The following FAM184A variants were observed in gnomAD, a reference collection of about 807,000 sequenced individuals.
The protein encoded by FAM184A is family with sequence similarity 184 member A, also known as protein FAM184A.
Under a neutral mutation model 143.8 loss-of-function variants are expected in FAM184A, and 99 were observed. The observed-to-expected ratio is 0.69, with a 90% confidence interval of 0.58 to 0.81. The LOEUF (loss-of-function observed/expected upper bound fraction) is 0.81, where lower values mean the gene tolerates loss of function less well. FAM184A is among the 40% of genes least tolerant of loss of function. The pLI is 0.00. For missense variants in FAM184A, 1,217 were observed against 1,310.5 expected (o/e 0.93, Z 1.10); for synonymous variants, 427 against 446.4 (o/e 0.96, Z 0.55).
intron 1 of FAM184A, among the ~76,000 whole-genome samples, chr6:119,074,972 T>C (rs888199923): frequency 4.6e-5 from 7 of 152,270 alleles, no homozygotes; most frequent in Non-Finnish European, 8.8e-5. Flanking sequence ...AGAAGGCAGC[T>C]ATGTTAGGCT....
intron 1 of FAM184A, among the ~76,000 whole-genome samples, chr6:119,035,417 C>A (rs945308371): frequency 6.6e-6 from 1 of 152,144 alleles, no homozygotes; most frequent in African/African-American, 2.4e-5. Flanking sequence ...ACACCAAATT[C>A]CAGCCAGGTT....
chr6:119,005,309 T>C (rs950307402), intron 7 of FAM184A: 4 of 151,954 alleles, frequency 2.6e-5, no homozygotes, highest in African/African-American at 9.7e-5. Flanking sequence ...AATGAAGTAA[T>C]TTATTGTCAC....
At position 119,086,548 on chromosome 6, in the gene FAM184A, A is replaced by T. The variant is rs140304371; in HGVS notation, c.-201-61735T>A. On this transcript the variant is annotated intron_variant, in intron 1 of 16. Transcript: ENST00000352896. Reference sequence around the variant, plus strand: ...AAGGACGGTAAGGGCAAAGCCATGGAGATTAGATGAGAGCATGACCTATTT... The same window carrying T: ...AAGGACGGTAAGGGCAAAGCCATGGTGATTAGATGAGAGCATGACCTATTT... Among the ~76,000 whole-genome samples the T allele has an allele frequency of 3.0e-3, 453 of 152,254 alleles. 3 individuals are homozygous for T. The highest frequency in any genetic ancestry group is 0.01 in the African/African-American group (435 of 41,558).
At chr6:118,988,793 C>T (rs1784270574) in intron 9 of FAM184A, among the ~76,000 whole-genome samples, 1 of 152,004 alleles carries the variant, frequency 6.6e-6, no homozygotes, top group Non-Finnish European at 1.5e-5. Flanking sequence ...ATTGGAAAAA[C>T]CTACATACCC....
intron 6 of FAM184A, among the ~76,000 whole-genome samples, chr6:119,007,016 C>T (rs1458234238): frequency 6.6e-6 from 1 of 152,100 alleles, no homozygotes; most frequent in Non-Finnish European, 1.5e-5. Flanking sequence ...ATATCTCCTG[C>T]TATTTGCAAA....
chr6:119,078,180 C>T lies in FAM184A; in HGVS notation c.120G>A (p.Met40Ile), dbSNP rs1787944038. 2 of 1,591,606 alleles carry T rather than the reference C, an allele frequency of 1.3e-6. No individual in the cohort carries two copies. The highest frequency in any genetic ancestry group is 2.3e-5 in the South Asian group (2 of 87,732). ...CGATTTTCTTGCTCATTTTCAGGTG[C>T]ATCTCCTGGCTGTAGTCCATGCTGT... ...AGHSMDYSQE[M>I]HLKMSKKIAQ... The change falls in exon 1 of 18, where the codon ATG becomes ATA. Residue 40 changes from methionine to isoleucine, a missense_variant. Met to Ile is a conservative substitution (Grantham distance 10). Coordinates refer to ENST00000338891, the MANE Select transcript of FAM184A (RefSeq NM_024581.6). The surrounding 1 kb of genome is among the most constrained non-coding windows in gnomAD (Gnocchi z 5.5).
intron 1 of FAM184A, among the ~76,000 whole-genome samples, chr6:119,046,564 T>TA (rs35889394): frequency 0.67 from 99,570 of 148,982 alleles, 34,773 homozygotes; most frequent in South Asian, 0.78. Flanking sequence ...ACCTACCAAA[T>TA]AAAAAAAAAA....
At chr6:119,118,010 T>A (rs1789105707) in intron 1 of FAM184A, among the ~76,000 whole-genome samples, 1 of 152,168 alleles carries the variant, frequency 6.6e-6, no homozygotes, top group Non-Finnish European at 1.5e-5. Context: ...AGAGATGAAG[T>A]GACACCAAAG....
intron 1 of FAM184A, among the ~76,000 whole-genome samples, chr6:119,108,620 C>A (rs1788852382): frequency 6.6e-6 from 1 of 152,112 alleles, no homozygotes; most frequent in African/African-American, 2.4e-5. Flanking sequence ...TGCCTGCAAT[C>A]CTCTTCATGG....
chr6:119,053,274 GT>G (rs1314078660), intron 1 of FAM184A, among the ~76,000 whole-genome samples: 1 of 152,056 alleles, frequency 6.6e-6, no homozygotes, highest in Non-Finnish European at 1.5e-5. Flanking sequence ...TTCAATCAAG[GT>G]TTATACTTTA....
At chr6:119,030,506 T>A (rs975289635) in intron 1 of FAM184A, among the ~76,000 whole-genome samples, 2 of 151,992 alleles carry the variant, frequency 1.3e-5, no homozygotes, top group South Asian at 2.1e-4. Context: ...TCACTTAATT[T>A]CTTCAAGCTT....
intron 1 of FAM184A, among the ~76,000 whole-genome samples, chr6:119,066,283 T>C (rs1218972759): frequency 1.3e-5 from 2 of 152,218 alleles, no homozygotes; most frequent in East Asian, 3.9e-4. Context: ...CTGAAGGCTC[T>C]TGGGGAGAAC....
chr6:119,107,522 G>A (rs568883528), intron 1 of FAM184A, among the ~76,000 whole-genome samples: 5 of 152,292 alleles, frequency 3.3e-5, no homozygotes, highest in Admixed American at 2.6e-4. Flanking sequence ...AGCACTTTGG[G>A]AGGCCAAGGT....
chr6:118,991,381 G>A (rs549668527), intron 9 of FAM184A, among the ~76,000 whole-genome samples: 1 of 151,938 alleles, frequency 6.6e-6, no homozygotes, highest in African/African-American at 2.4e-5. Flanking sequence ...GGCTGGTCAC[G>A]AACTCCTGAC....
intron 1 of FAM184A, among the ~76,000 whole-genome samples, chr6:119,118,516 T>C (rs527790986): frequency 3.9e-4 from 60 of 152,320 alleles, no homozygotes; most frequent in South Asian, 1.0e-3. Flanking sequence ...GAACATGAAT[T>C]GTGAAGATTT....
intron 1 of FAM184A, among the ~76,000 whole-genome samples, chr6:119,036,945 G>A (rs1032101021): frequency 2.0e-5 from 3 of 152,160 alleles, no homozygotes; most frequent in Admixed American, 1.3e-4. Context: ...GGCAAAGTCA[G>A]TTGTCAAGAA....
intron 1 of FAM184A, among the ~76,000 whole-genome samples, chr6:119,102,203 G>A (rs1788655736): frequency 6.6e-6 from 1 of 152,182 alleles, no homozygotes; most frequent in Non-Finnish European, 1.5e-5. Context: ...TCCCTCATCA[G>A]AAGATTGGGA....
At chr6:118,977,489 A>G (rs1783881538) in intron 11 of FAM184A, among the ~76,000 whole-genome samples, 1 of 152,190 alleles carries the variant, frequency 6.6e-6, no homozygotes, top group African/African-American at 2.4e-5. Flanking sequence ...CTGAGGCAGG[A>G]GGATTGCTTG....
intron 1 of FAM184A, among the ~76,000 whole-genome samples, chr6:119,040,819 CT>C (rs1036286680): frequency 4.6e-5 from 7 of 152,182 alleles, no homozygotes; most frequent in Non-Finnish European, 8.8e-5. Flanking sequence ...ACTCCACCCA[CT>C]TGCTTTTTAA....
Sources: allele counts gnomAD v4.1 joint callset (sites outside exome capture counted in the v4.1 genomes callset), GRCh38; gene constraint gnomAD v4.1.1; non-coding constraint Gnocchi (gnomAD v3.1); transcripts MANE v1.5; gene names NCBI Gene and HGNC (gene_info 2026-07-23, HGNC 2026-07-21).